Variants in PRKCB observed in about 807,000 individuals in gnomAD.
The protein encoded by PRKCB is protein kinase C beta type.
In PRKCB, 13 loss-of-function variants were observed where a neutral mutation model predicts 81.5. That is an observed-to-expected ratio of 0.16 (90% confidence interval 0.10 to 0.25). PRKCB has a LOEUF of 0.25. Ranked by LOEUF, PRKCB falls within the 10% of genes least tolerant of loss-of-function variation. PRKCB has a pLI of 1.00. For missense variants in PRKCB, 509 were observed against 875.7 expected (o/e 0.58, Z 5.29); for synonymous variants, 335 against 321.4 (o/e 1.04, Z -0.45).
At chr16:23,955,455 C>T (rs965008127) in intron 2 of PRKCB, among the ~76,000 whole-genome samples, 12 of 152,122 alleles carry the variant, frequency 7.9e-5, no homozygotes, top group Admixed American at 6.5e-4. Context: ...CATTGCTCTT[C>T]CCAGGCAAGT....
intron 2 of PRKCB, among the ~76,000 whole-genome samples, chr16:23,956,979 TAAAAAAAAA>T (rs10714409): frequency 1.5e-4 from 7 of 45,954 alleles, no homozygotes; most frequent in East Asian, 6.4e-4. Flanking sequence ...CTATAGGCAG[TAAAAAAAAA>T]AAAAAAAAAA....
chr16:24,183,096 G>A (rs1037567113), intron 13 of PRKCB, among the ~76,000 whole-genome samples: 8 of 151,940 alleles, frequency 5.3e-5, no homozygotes, highest in Admixed American at 3.9e-4. Flanking sequence ...TCCTGACCTC[G>A]TGATCCGCCC....
At chr16:23,903,226 GC>G (rs1963510055) in intron 2 of PRKCB, among the ~76,000 whole-genome samples, 1 of 151,532 alleles carries the variant, frequency 6.6e-6, no homozygotes, top group African/African-American at 2.4e-5. Context: ...ATGGCCCCAG[GC>G]TTTTGTGAGT....
At chr16:24,093,847 T>A (rs1372326595) in intron 6 of PRKCB, among the ~76,000 whole-genome samples, 1 of 152,132 alleles carries the variant, frequency 6.6e-6, no homozygotes, top group Non-Finnish European at 1.5e-5. Flanking sequence ...ATTATGCAAT[T>A]GATATCTGTA....
intron 2 of PRKCB, among the ~76,000 whole-genome samples, chr16:23,987,092 GTTGGT>G (rs1964812539): frequency 6.6e-6 from 1 of 152,090 alleles, no homozygotes; most frequent in African/African-American, 2.4e-5. Flanking sequence ...TTTTTAAACT[GTTGGT>G]TTTTTTCCAC....
chr16:23,906,974 T>G (rs1463606018), intron 2 of PRKCB, among the ~76,000 whole-genome samples: 1 of 152,094 alleles, frequency 6.6e-6, no homozygotes, highest in Non-Finnish European at 1.5e-5. Context: ...AACAGTGGGT[T>G]TCCTGGGTGG....
intron 2 of PRKCB, among the ~76,000 whole-genome samples, chr16:23,971,013 A>C (rs1055357123): frequency 1.3e-5 from 2 of 152,226 alleles, no homozygotes; most frequent in African/African-American, 4.8e-5. Flanking sequence ...TCATGCATAA[A>C]TGGAATGTGG....
intron 5 of PRKCB, among the ~76,000 whole-genome samples, chr16:24,084,927 C>G (rs927986863): frequency 6.6e-6 from 1 of 152,090 alleles, no homozygotes; most frequent in Non-Finnish European, 1.5e-5. Context: ...ATGTGTGACA[C>G]TTTCCCCTGG....
intron 5 of PRKCB, among the ~76,000 whole-genome samples, chr16:24,080,493 A>T (rs994613962): frequency 2.0e-5 from 3 of 152,192 alleles, no homozygotes; most frequent in Non-Finnish European, 4.4e-5. Flanking sequence ...GCATTGAAAG[A>T]CAGGGAGGAG....
chr16:24,186,437 G>A (rs1049979951), intron 15 of PRKCB, among the ~76,000 whole-genome samples: 1 of 152,204 alleles, frequency 6.6e-6, no homozygotes, highest in African/African-American at 2.4e-5. Context: ...TCTGATGGAA[G>A]CCTGAAAGCA....
Position 24,218,070 on chromosome 16 carries a change from A to C in PRKCB, c.*3254A>C. On this transcript the variant is annotated 3_prime_UTR_variant, in exon 17 of 17. Coordinates refer to ENST00000643927, the MANE Select transcript of PRKCB (RefSeq NM_002738.7). The stretch of plus-strand genomic sequence containing the variant: ...AACAACCTACTGTGTGCCAGGCACT[A>C]TTCTTAGCACTGGAAATACACTAGT... 1.0e-6 allele frequency: 1 copy of C among 985,296 alleles called. No homozygotes were observed. The highest frequency in any genetic ancestry group is 1.2e-6 in the Non-Finnish European group (1 of 829,810). 61.0% of individuals were successfully genotyped at this position (985,296 alleles called of 1,614,324 possible).
At chr16:24,000,851 G>A (rs995071069) in intron 3 of PRKCB, among the ~76,000 whole-genome samples, 1 of 152,166 alleles carries the variant, frequency 6.6e-6, no homozygotes, top group South Asian at 2.1e-4. Flanking sequence ...CTCAAACTTT[G>A]GAGCCAGAAA....
chr16:23,986,799 G>T (rs933800935), intron 2 of PRKCB, among the ~76,000 whole-genome samples: 3 of 151,956 alleles, frequency 2.0e-5, no homozygotes, highest in Non-Finnish European at 2.9e-5. Flanking sequence ...TTAGTATAAT[G>T]CATCCTTGTG....
intron 12 of PRKCB, among the ~76,000 whole-genome samples, chr16:24,176,322 A>G (rs1967530474): frequency 6.6e-6 from 1 of 152,196 alleles, no homozygotes; most frequent in African/African-American, 2.4e-5. Context: ...CTGAGGCAAG[A>G]GGATCACTTG....
At chr16:23,868,444 G>T (rs1020018591) in intron 2 of PRKCB, among the ~76,000 whole-genome samples, 2 of 152,116 alleles carry the variant, frequency 1.3e-5, no homozygotes, top group Non-Finnish European at 2.9e-5. Flanking sequence ...CATTTATTTG[G>T]GGCAGGCAGA....
rs201574079 is a variant in PRKCB at position 24,050,937 on chromosome 16, AT to A, written c.529+15404del. Among the ~76,000 whole-genome samples, 938 of 143,632 alleles carry A rather than the reference AT, an allele frequency of 6.5e-3. 3 individuals are homozygous for A. The highest frequency in any genetic ancestry group is 0.01 in the East Asian group (50 of 4,918). 94.2% of individuals were successfully genotyped at this position (143,632 alleles called of 152,430 possible). A position where few individuals can be genotyped will look rare whatever the true frequency, so the allele number is the denominator to read the frequency against. On this transcript the variant is annotated intron_variant, in intron 5 of 16. Transcript: ENST00000643927. ...TGCAGGCCCCACATCCTTGTGCAAG[AT>A]TTTTTTTTTTTTTGAGACTCCAGGA...
At chr16:23,894,448 A>G (rs1214384310) in intron 2 of PRKCB, among the ~76,000 whole-genome samples, 1 of 152,226 alleles carries the variant, frequency 6.6e-6, no homozygotes, top group African/African-American at 2.4e-5. Flanking sequence ...TTTACACACC[A>G]CCTAGAGTAC....
chr16:24,191,785 C>T (rs1967797545), intron 16 of PRKCB, among the ~76,000 whole-genome samples: 1 of 152,144 alleles, frequency 6.6e-6, no homozygotes, highest in Non-Finnish European at 1.5e-5. Flanking sequence ...AAGACCCCCT[C>T]CGGGAGGGTT....
intron 8 of PRKCB, among the ~76,000 whole-genome samples, chr16:24,114,019 C>A (rs1351634225): frequency 6.6e-6 from 1 of 151,612 alleles, no homozygotes; most frequent in Non-Finnish European, 1.5e-5. Context: ...GAGTTGGACA[C>A]CAGCCTGGCC....
Sources: gnomAD v4.1 joint callset for allele counts (sites outside exome capture counted in the v4.1 genomes callset) on GRCh38, gnomAD v4.1.1 for gene constraint, MANE v1.5 for transcripts, NCBI Gene and HGNC (gene_info 2026-07-23, HGNC 2026-07-21) for gene names.